The following CTNNAL1 variants were observed in gnomAD, a reference collection of about 807,000 sequenced individuals.
CTNNAL1 encodes catenin alpha like 1, also known as alpha-catulin.
In CTNNAL1, 69 loss-of-function variants were observed where a neutral mutation model predicts 93.6. The ratio of observed to expected loss-of-function variants is 0.74; its 90% CI spans 0.61 to 0.90. The LOEUF (loss-of-function observed/expected upper bound fraction) is 0.90. Among genes scored for constraint, CTNNAL1 ranks in the 40% least tolerant of loss-of-function variants. CTNNAL1 has a pLI of 0.00. For missense variants in CTNNAL1, 836 were observed against 862.0 expected, an observed-to-expected ratio of 0.97 and a Z score of 0.38; for synonymous variants, 286 against 305.4, an observed-to-expected ratio of 0.94 and a Z score of 0.66.
In CTNNAL1 at chr9:108,983,284, G is replaced by A. The variant is rs878868764; in HGVS notation, c.761C>T (p.Ala254Val). The change falls in exon 6 of 19, where the codon GCC becomes GTC. Residue 254 changes from alanine (A) to valine (V), a missense_variant. Coordinates refer to ENST00000325551, the MANE Select transcript of CTNNAL1 (RefSeq NM_003798.4). ...AAATACTCCTTCTTTGTTTTTATGG[G>A]CTGATTCGCAGTTAGGATGCCTCAG... ...TCLRHPNCESAHKNKEGVFDR... is the reference protein window; with the variant it reads ...TCLRHPNCESVHKNKEGVFDR... The A allele has an allele frequency of 6.4e-6, 10 of 1,560,944 alleles. No individual in the cohort carries two copies. The highest frequency in any genetic ancestry group is 2.5e-5 in the South Asian group (2 of 81,280).
intron 8 of CTNNAL1, among the ~76,000 whole-genome samples, chr9:108,973,065 A>C (rs2132133241): frequency 1.3e-5 from 2 of 152,304 alleles, no homozygotes; most frequent in South Asian, 4.1e-4. Context: ...GTTTCTCTCA[A>C]GGGCAGGAGT....
intron 12 of CTNNAL1, among the ~76,000 whole-genome samples, chr9:108,954,971 T>TA (rs919704824): frequency 9.3e-5 from 14 of 151,176 alleles, no homozygotes; most frequent in Non-Finnish European, 1.3e-4. Context: ...TAATTTTATT[T>TA]TTTTTTTTTT....
chr9:108,952,626 T>C (rs1405977337), intron 12 of CTNNAL1, 132 bp from the exon 13 acceptor site: 1 of 1,163,106 alleles, frequency 8.6e-7, no homozygotes, highest in East Asian at 2.6e-5. Context: ...AATGACTGAA[T>C]ATTTTACCAA....
In CTNNAL1 at chr9:108,950,671, T is replaced by C; in HGVS notation, c.1835+1538A>G. 2.7e-6 allele frequency: 4 copies of C among 1,498,930 alleles called. No individual in the cohort carries two copies. In the South Asian group the frequency reaches 5.2e-5, roughly 20 times the overall value. 92.9% of individuals were successfully genotyped at this position (1,498,930 alleles called of 1,614,324 possible). Reference sequence around the variant, plus strand: ...CTGCTGCCTCACCTATCCCATCCCATAAAAGGAGGTGGATGCTCATCTTTT... The same window carrying C: ...CTGCTGCCTCACCTATCCCATCCCACAAAAGGAGGTGGATGCTCATCTTTT... On this transcript the variant is annotated intron_variant, in intron 14 of 18. Coordinates refer to ENST00000325551, the MANE Select transcript of CTNNAL1 (RefSeq NM_003798.4).
chr9:108,967,904 T>TAATTA (rs1831006192), intron 10 of CTNNAL1, among the ~76,000 whole-genome samples: 2 of 152,206 alleles, frequency 1.3e-5, no homozygotes, highest in Non-Finnish European at 2.9e-5. Flanking sequence ...TTAGCTAATA[T>TAATTA]ATTAATAGTT....
chr9:108,972,952 T>G, intron 8 of CTNNAL1, 119 bp from the exon 9 acceptor site: 2 of 1,245,162 alleles, frequency 1.6e-6, no homozygotes, highest in Non-Finnish European at 2.2e-6. Context: ...TTAAAAACTA[T>G]TAATAAAGAG....
At position 108,942,695 on chromosome 9, in the gene CTNNAL1, A is replaced by G. The variant is rs1830276075; in HGVS notation, c.*74T>C. The G allele has an allele frequency of 9.9e-7, 1 of 1,013,624 alleles. No individual in the cohort carries two copies. The highest frequency in any genetic ancestry group is 1.6e-5 in the African/African-American group (1 of 61,630). The allele number at this position is 1,013,624 out of a possible 1,614,324, so 62.8% of individuals were successfully genotyped here. ...ATAAAATTGATGAATTTCTGAAAAG[A>G]TAAAGGATCATTTGATTTTTAAAAA... On this transcript the variant is annotated 3_prime_UTR_variant, in exon 19 of 19. Coordinates refer to ENST00000325551, the MANE Select transcript of CTNNAL1 (RefSeq NM_003798.4).
chr9:109,007,535 T>C (rs143729579), intron 1 of CTNNAL1, among the ~76,000 whole-genome samples: 5 of 152,302 alleles, frequency 3.3e-5, no homozygotes, highest in African/African-American at 9.6e-5. Context: ...CTTCCCTTCC[T>C]TGGATAAAAG....
chr9:108,945,847 G>A (rs1234048072), intron 15 of CTNNAL1, among the ~76,000 whole-genome samples: 1 of 152,068 alleles, frequency 6.6e-6, no homozygotes, highest in South Asian at 2.1e-4. Flanking sequence ...CAGATAGGGA[G>A]GGCCAAGTGT....
rs1468191353 is a variant in CTNNAL1 at position 108,942,671 on chromosome 9, T to C, written c.*98A>G. 1.1e-6 allele frequency: 1 copy of C among 873,502 alleles called. No homozygotes were observed. Among genetic ancestry groups the C allele is most frequent in the South Asian group, 1.6e-5 (1 of 62,764 alleles). The allele number at this position is 873,502 out of a possible 1,614,324, so 54.1% of individuals were successfully genotyped here. On this transcript the variant is annotated 3_prime_UTR_variant, in exon 19 of 19. Transcript: ENST00000325551. Reference sequence around the variant, plus strand: ...CAAAATTTCAATATTGTTTTCTTTATAAAATTGATGAATTTCTGAAAAGAT... The same window carrying C: ...CAAAATTTCAATATTGTTTTCTTTACAAAATTGATGAATTTCTGAAAAGAT...
rs771134958 is a variant in CTNNAL1, at chr9:108,983,223, T to A, written c.822A>T (p.Glu274Asp). ...CATTCGGTTTACAGTCAGTCACAATTTCAATGACCTTATCCAATGCCACTT... is the reference window on the plus strand; with the variant it reads ...CATTCGGTTTACAGTCAGTCACAATATCAATGACCTTATCCAATGCCACTT... ...RMKVALDKVI[E>D]IVTDCKPNGE... Residue 274 changes from glutamate to aspartate, a missense_variant, in exon 6 of 19, where the codon GAA becomes GAT. Transcript: ENST00000325551. The A allele has an allele frequency of 6.3e-7, 1 of 1,595,248 alleles. No homozygotes were observed. The highest frequency in any genetic ancestry group is 1.1e-5 in the South Asian group (1 of 87,956).
At chr9:109,003,605 C>G (rs1826919447) in intron 1 of CTNNAL1, among the ~76,000 whole-genome samples, 2 of 152,180 alleles carry the variant, frequency 1.3e-5, no homozygotes, top group African/African-American at 4.8e-5. Context: ...AAACCAGTGG[C>G]TCCTATTTTT....
chr9:108,966,160 A>T (rs1830945827), intron 10 of CTNNAL1, among the ~76,000 whole-genome samples: 1 of 152,180 alleles, frequency 6.6e-6, no homozygotes, highest in South Asian at 2.1e-4. Context: ...GTATACACAG[A>T]GTTGATATCT....
At chr9:109,013,166 C>A (rs910091381) in intron 1 of CTNNAL1, 136 bp downstream of exon 1, 27 of 1,118,984 alleles carry the variant, frequency 2.4e-5, no homozygotes, top group Non-Finnish European at 3.1e-5. Flanking sequence ...CCCACACAGG[C>A]GGTCCGACAA....
chr9:108,982,958 G>C (rs1050252910), intron 6 of CTNNAL1, among the ~76,000 whole-genome samples, 187 bp downstream of exon 6: 2 of 152,026 alleles, frequency 1.3e-5, no homozygotes, highest in African/African-American at 2.4e-5. Flanking sequence ...CATGCCTGTA[G>C]TACCAGCTAC....
chr9:108,955,879 T>G, intron 11 of CTNNAL1, 52 bp from the exon 12 acceptor site: 1 of 1,148,506 alleles, frequency 8.7e-7, no homozygotes, highest in Non-Finnish European at 1.2e-6. Context: ...TATATTTTTC[T>G]ATTATTCATA....
Position 108,957,220 on chromosome 9 carries a change from C to T in CTNNAL1, c.1592-1393G>A, listed in dbSNP as rs561355999. Among the ~76,000 whole-genome samples the T allele has an allele frequency of 1.9e-4, 28 of 151,132 alleles. No individual in the cohort carries two copies. The South Asian group carries it at 4.8e-3, about 26-fold the overall frequency. On this transcript the variant is annotated intron_variant, in intron 11 of 18. Transcript: ENST00000325551. Reference sequence around the variant, plus strand: ...ACTGCAGCCTCAACCTCCTGGGCTCCGGTGGTCCTCCCACCTTCCACCTCC... The same window carrying T: ...ACTGCAGCCTCAACCTCCTGGGCTCTGGTGGTCCTCCCACCTTCCACCTCC...
At chr9:108,983,751 C>T (rs1831511661) in intron 5 of CTNNAL1, among the ~76,000 whole-genome samples, 1 of 152,158 alleles carries the variant, frequency 6.6e-6, no homozygotes, top group Admixed American at 6.5e-5. Context: ...TGAGTGGGTT[C>T]CACGAAGTCT....
intron 2 of CTNNAL1, among the ~76,000 whole-genome samples, chr9:108,998,328 G>C (rs1346304829): frequency 6.6e-6 from 1 of 150,748 alleles, no homozygotes; most frequent in African/African-American, 2.4e-5. Flanking sequence ...TAGCACCAAA[G>C]TTAAAAAACC....
Sources: allele counts gnomAD v4.1 joint callset (sites outside exome capture counted in the v4.1 genomes callset), GRCh38; gene constraint gnomAD v4.1.1; transcripts MANE v1.5; gene names NCBI Gene and HGNC (gene_info 2026-07-23, HGNC 2026-07-21).